Variants in CYB5RL observed in about 807,000 individuals in gnomAD.
CYB5RL encodes NADH-cytochrome b5 reductase-like.
In CYB5RL, 38 loss-of-function variants were observed where a neutral mutation model predicts 37.5. The observed-to-expected ratio is 1.01, with a 90% confidence interval of 0.78 to 1.33. The LOEUF is 1.33. Among genes scored for constraint, CYB5RL ranks in the 40% most tolerant of loss-of-function variants. CYB5RL has a pLI of 0.00. For missense variants in CYB5RL, 388 were observed against 394.4 expected (o/e 0.98, Z 0.14); for synonymous variants, 141 against 151.9 (o/e 0.93, Z 0.53).
intron 3 of CYB5RL, 114 bp downstream of exon 3, chr1:54,195,305 A>C (rs1643996399): frequency 4.0e-6 from 5 of 1,250,480 alleles, no homozygotes; most frequent in Non-Finnish European, 5.3e-6. Flanking sequence ...TCTGTTATGC[A>C]TACTCTTTTC....
chr1:54,198,682 A>G (rs1570129846), intron 1 of CYB5RL, among the ~76,000 whole-genome samples: 1 of 122,630 alleles, frequency 8.2e-6, no homozygotes. Flanking sequence ...CCCAGGTTGG[A>G]GTGCAGTGGT....
At position 54,171,565 on chromosome 1, in the gene CYB5RL, T is replaced by TA; in HGVS notation, c.*3053dup. On this transcript the variant is annotated 3_prime_UTR_variant, in exon 8 of 8. Coordinates refer to ENST00000534324, the MANE Select transcript of CYB5RL (RefSeq NM_001031672.4). Reference sequence around the variant, plus strand: ...ACCAAGAATCTGTCCTCAGGCCCTCTAGTAGCTGTTGCCTTCCTGAAGCTT... The same window carrying TA: ...ACCAAGAATCTGTCCTCAGGCCCTCTAAGTAGCTGTTGCCTTCCTGAAGCTT... The TA allele has an allele frequency of 5.2e-6, 2 of 388,142 alleles. No individual in the cohort carries two copies. The highest frequency in any genetic ancestry group is 3.7e-5 in the South Asian group (2 of 53,438). The allele number at this position is 388,142 out of a possible 1,614,324, so 24.0% of individuals were successfully genotyped here.
intron 5 of CYB5RL, chr1:54,185,686 A>T (rs1197117303): frequency 6.6e-6 from 1 of 152,206 alleles, no homozygotes; most frequent in Non-Finnish European, 1.5e-5. Context: ...GGCTGTCTCC[A>T]TGCACGCTTT....
intron 4 of CYB5RL, among the ~76,000 whole-genome samples, chr1:54,190,021 CA>C (rs1466177214): frequency 6.6e-6 from 1 of 152,204 alleles, no homozygotes; most frequent in Non-Finnish European, 1.5e-5. Flanking sequence ...AGCTATGTGC[CA>C]ATGACTCCCA....
At chr1:54,184,513 G>A (rs939056579) in intron 5 of CYB5RL, 2 of 420,040 alleles carry the variant, frequency 4.8e-6, no homozygotes, top group Non-Finnish European at 4.3e-6. Flanking sequence ...CTTCAGCATA[G>A]AGGTCCCAAA....
intron 4 of CYB5RL, among the ~76,000 whole-genome samples, chr1:54,188,801 A>G (rs984623710): frequency 2.6e-5 from 4 of 152,212 alleles, no homozygotes; most frequent in Non-Finnish European, 4.4e-5. Flanking sequence ...TACTACGTAC[A>G]AAACTTTCTT....
At chr1:54,190,022 A>C (rs191900189) in intron 4 of CYB5RL, among the ~76,000 whole-genome samples, 1 of 152,188 alleles carries the variant, frequency 6.6e-6, no homozygotes, top group Non-Finnish European at 1.5e-5. Flanking sequence ...GCTATGTGCC[A>C]ATGACTCCCA....
rs1321860965 is a variant in CYB5RL at position 54,195,467 on chromosome 1, T to C, written c.150A>G (p.Ala50=). The C allele has an allele frequency of 3.7e-6, 6 of 1,612,484 alleles. No individual in the cohort carries two copies. The highest frequency in any genetic ancestry group is 4.2e-6 in the Non-Finnish European group (5 of 1,179,106). Residue 50 remains alanine (A), a synonymous_variant, in exon 3 of 8, where the codon GCA becomes GCG. Coordinates refer to ENST00000534324, the MANE Select transcript of CYB5RL (RefSeq NM_001031672.4). The stretch of plus-strand genomic sequence containing the variant: ...GGCTCCTGTCCTTGCTGGCTTGGGC[T>C]GCCTCCCACCTTGCCAGATCTCGGT... ...LYHRDLARWE[A]AQASKDRSLL...
At position 54,187,707 on chromosome 1, in the gene CYB5RL, G is replaced by T. The variant is rs745999867; in HGVS notation, c.380C>A (p.Ala127Asp). 2 of 1,613,908 alleles carry T rather than the reference G, an allele frequency of 1.2e-6. No individual in the cohort carries two copies. The highest frequency in any genetic ancestry group is 1.7e-6 in the Non-Finnish European group (2 of 1,179,858). The stretch of plus-strand genomic sequence containing the variant: ...GTTGGCAGGGCTGATGGGCGTATAG[G>T]CTCTCTGAATTTCTAAGTCATCTAC... ...GIVDDLEIQR[A>D]YTPISPANAE... Residue 127 changes from alanine to aspartate, a missense_variant, in exon 5 of 8, where the codon GCC (alanine) becomes GAC (aspartate). Transcript: ENST00000534324.
At position 54,172,321 on chromosome 1, in the gene CYB5RL, C is replaced by T. The variant is rs1659911539; in HGVS notation, c.*2298G>A. 2 of 148,102 alleles carry T rather than the reference C, an allele frequency of 1.4e-5. No individual in the cohort carries two copies. Among genetic ancestry groups the T allele is most frequent in the South Asian group, 4.3e-4 (2 of 4,690 alleles). The allele number at this position is 148,102 out of a possible 1,614,324, so 9.2% of individuals were successfully genotyped here. On this transcript the variant is annotated 3_prime_UTR_variant, in exon 8 of 8. Transcript: ENST00000534324. ...AGCTGGGACTACAGGCGCATACCACCACATAAGGTTAATCTTTTTTTTTTT... is the reference window on the plus strand; with the variant it reads ...AGCTGGGACTACAGGCGCATACCACTACATAAGGTTAATCTTTTTTTTTTT...
chr1:54,187,895 G>A, intron 4 of CYB5RL, 156 bp from the exon 5 acceptor site: 1 of 610,278 alleles, frequency 1.6e-6, no homozygotes, highest in Non-Finnish European at 2.9e-6. Flanking sequence ...GGACAACATA[G>A]TGAAACCCGT....
At position 54,170,517 on chromosome 1, in the gene CYB5RL, C is replaced by G. The variant is rs554249627; in HGVS notation, c.*4102G>C. 1.3e-5 allele frequency: 2 copies of G among 153,818 alleles called. No individual in the cohort carries two copies. Among genetic ancestry groups the G allele is most frequent in the Non-Finnish European group, 2.9e-5 (2 of 69,144 alleles). 9.5% of individuals were successfully genotyped at this position (153,818 alleles called of 1,614,324 possible). ...GCAAGCTCCGCCTCCCGGGTTCACA[C>G]CATTCTCCTGCCTCAGCCTCCCGAG... On this transcript the variant is annotated 3_prime_UTR_variant, in exon 8 of 8. Coordinates refer to ENST00000534324, the MANE Select transcript of CYB5RL (RefSeq NM_001031672.4).
At position 54,179,296 on chromosome 1, in the gene CYB5RL, G is replaced by T; in HGVS notation, c.597C>A (p.Ile199=). 1 of 1,613,880 alleles carries T rather than the reference G, an allele frequency of 6.2e-7. No individual in the cohort carries two copies. Residue 199 remains isoleucine, a synonymous_variant, in exon 7 of 8, where the codon ATC becomes ATA. Transcript: ENST00000534324. The stretch of plus-strand genomic sequence containing the variant: ...TCTCATTGTCTGTGATGCTCTGCAG[G>T]ATAGGCACCATGGGGGCCAGGCCCG... ...AGTGLAPMVP[I]LQSITDNEND...
At chr1:54,197,631 T>C (rs1557727565) in intron 1 of CYB5RL, among the ~76,000 whole-genome samples, 1 of 152,174 alleles carries the variant, frequency 6.6e-6, no homozygotes, top group Non-Finnish European at 1.5e-5. Flanking sequence ...ATGTAGCATA[T>C]ATGCTAATCC....
rs970966563 is a variant in CYB5RL at position 54,170,713 on chromosome 1, G to A, written c.*3906C>T. 1 of 201,724 alleles carries A rather than the reference G, an allele frequency of 5.0e-6. No homozygotes were observed. Among genetic ancestry groups the A allele is most frequent in the African/African-American group, 2.3e-5 (1 of 44,032 alleles). 12.5% of individuals were successfully genotyped at this position (201,724 alleles called of 1,614,324 possible). The stretch of plus-strand genomic sequence containing the variant: ...GGTGTGAGCCACCGCGCCCGGCCCA[G>A]TAACAATCTTTATACACATCTCTGG... On this transcript the variant is annotated 3_prime_UTR_variant, in exon 8 of 8. Coordinates refer to ENST00000534324, the MANE Select transcript of CYB5RL (RefSeq NM_001031672.4).
Position 54,190,669 on chromosome 1 carries a change from G to T in CYB5RL, c.347+79C>A, listed in dbSNP as rs745871437. On this transcript the variant is annotated intron_variant, in intron 4 of 7. Transcript: ENST00000534324. ...CAAATGGAGGCTTAAGGGAGAGTAC[G>T]CTAGTTGGTCAAGGCCAGCAGCTAG... 1.2e-5 allele frequency: 18 copies of T among 1,527,732 alleles called. No individual in the cohort carries two copies. In the South Asian group the frequency reaches 1.9e-4, roughly 16 times the overall value. The allele number at this position is 1,527,732 out of a possible 1,614,324, so 94.6% of individuals were successfully genotyped here.
Position 54,199,998 on chromosome 1 carries a change from A to T in CYB5RL, c.-245T>A. On this transcript the variant is annotated 5_prime_UTR_variant, in exon 1 of 8. Transcript: ENST00000534324. ...CACCTACTCGCCTGCGCTTCACCTC[A>T]CGTGAGGATTTTCCAGGTTCCTCCC... The T allele has an allele frequency of 1.9e-6, 1 of 531,362 alleles. No individual in the cohort carries two copies. Among genetic ancestry groups the T allele is most frequent in the Non-Finnish European group, 3.3e-6 (1 of 302,426 alleles). The allele number at this position is 531,362 out of a possible 1,614,324, so 32.9% of individuals were successfully genotyped here. A position where few individuals can be genotyped will look rare whatever the true frequency, so the allele number is the denominator to read the frequency against.
rs1233308784 is a variant in CYB5RL, at chr1:54,173,125, C to G, written c.*1494G>C. ...ACACAGTACTCCATGCTCTCTGACC[C>G]TGGAACTCTGCCTGTGAGGCGGTCT... On this transcript the variant is annotated 3_prime_UTR_variant, in exon 8 of 8. Transcript: ENST00000534324. 1.3e-5 allele frequency: 2 copies of G among 152,214 alleles called. No individual in the cohort carries two copies. Among genetic ancestry groups the G allele is most frequent in the Non-Finnish European group, 2.9e-5 (2 of 68,042 alleles). 9.4% of individuals were successfully genotyped at this position (152,214 alleles called of 1,614,324 possible).
In CYB5RL at chr1:54,174,797, CA is replaced by C. The variant is rs1659979045; in HGVS notation, c.769del (p.Trp257GlyfsTer16). Reference sequence around the variant, plus strand: ...AAAGTGGGTTTTCTCTTGGTAACTCCAGGGAAGCTGCTCTGAGGAGCTCTCC... The same window carrying C: ...AAAGTGGGTTTTCTCTTGGTAACTCCGGGAAGCTGCTCTGAGGAGCTCTCC... ...SQESSSEQLP[W>X]SYQEKTHFGH... is the part of the protein sequence containing the mutation. On this transcript the variant is annotated frameshift_variant, in exon 8 of 8. Transcript: ENST00000534324. LOFTEE classifies it high-confidence loss of function. 1.2e-6 allele frequency: 2 copies of C among 1,613,554 alleles called. No individual in the cohort carries two copies. The highest frequency in any genetic ancestry group is 1.7e-5 in the Admixed American group (1 of 60,002).
Sources: allele counts gnomAD v4.1 joint callset (sites outside exome capture counted in the v4.1 genomes callset), GRCh38; gene constraint gnomAD v4.1.1; transcripts MANE v1.5; gene names NCBI Gene and HGNC (gene_info 2026-07-23, HGNC 2026-07-21).